Variants in BRD9 observed in about 807,000 individuals in gnomAD.
The protein encoded by BRD9 is bromodomain containing 9.
BRD9 carries 47 observed loss-of-function variants against 68.7 expected under a neutral mutation model. The observed-to-expected ratio is 0.68, with a 90% CI of 0.54 to 0.87. BRD9 has a LOEUF of 0.87. Ranked by LOEUF, BRD9 falls within the 40% of genes least tolerant of loss-of-function variation. The probability of loss-of-function intolerance (pLI) is 0.00; values close to 1 mark genes in which losing one functional copy is unlikely to be tolerated. For synonymous variants in BRD9, 313 were observed against 293.9 expected (o/e 1.06, Z -0.67); for missense variants, 670 against 748.4 (o/e 0.90, Z 1.22).
At chr5:878,311 TCAAGCTGCA>T in intron 11 of BRD9, 35 bp downstream of exon 11, 1 of 1,607,024 alleles carries the variant, frequency 6.2e-7, no homozygotes, top group South Asian at 1.1e-5. Flanking sequence ...AGGGCACAGC[TCAAGCTGCA>T]CAGCAGCCAA....
chr5:868,083 C>T (rs1202107548), intron 14 of BRD9, among the ~76,000 whole-genome samples: 1 of 152,170 alleles, frequency 6.6e-6, no homozygotes, highest in Admixed American at 6.5e-5. Flanking sequence ...TCTCTGTTCT[C>T]ATGATAGTGA....
intron 8 of BRD9, chr5:881,753 TGAG>T (rs1243008543): frequency 6.4e-6 from 1 of 156,400 alleles, no homozygotes; most frequent in Non-Finnish European, 1.4e-5. Flanking sequence ...CCACCTGGCC[TGAG>T]AAGAGCCGGA....
intron 12 of BRD9, among the ~76,000 whole-genome samples, chr5:873,407 AC>A (rs1409236422): frequency 6.6e-6 from 1 of 151,978 alleles, no homozygotes; most frequent in Non-Finnish European, 1.5e-5. Context: ...TTTTCTCTTC[AC>A]CCCAAATTTT....
intron 12 of BRD9, among the ~76,000 whole-genome samples, chr5:872,378 C>T (rs190217698): frequency 6.6e-6 from 1 of 152,346 alleles, no homozygotes; most frequent in African/African-American, 2.4e-5. Flanking sequence ...GGTCACTCAA[C>T]TCCATATCCA....
intron 14 of BRD9, chr5:869,289 TA>T (rs1280698648): frequency 4.4e-6 from 2 of 456,146 alleles, no homozygotes; most frequent in Middle Eastern, 3.3e-4. Flanking sequence ...TGACCAGCAT[TA>T]ACTTTAAAAC....
At chr5:870,327 A>C (rs923971988) in intron 14 of BRD9, 146 bp downstream of exon 14, 2 of 641,076 alleles carry the variant, frequency 3.1e-6, no homozygotes, top group African/African-American at 3.7e-5. Context: ...TGGTCCAAAA[A>C]CCTGGGACAA....
intron 8 of BRD9, chr5:881,883 C>G (rs189598344): frequency 6.6e-6 from 1 of 152,342 alleles, no homozygotes; most frequent in African/African-American, 2.4e-5. Flanking sequence ...GGAGTTGATA[C>G]GAAGATTAGG....
chr5:889,712 A>C, intron 3 of BRD9, 65 bp from the exon 4 acceptor site: 1 of 1,595,432 alleles, frequency 6.3e-7, no homozygotes, highest in Non-Finnish European at 8.6e-7. Context: ...GAGAGCTCCA[A>C]GTTCACAGTA....
chr5:883,752 G>A (rs1752145207), intron 8 of BRD9, 186 bp downstream of exon 8: 7 of 793,876 alleles, frequency 8.8e-6, no homozygotes, highest in South Asian at 3.7e-5. Context: ...CCCTGCCAGA[G>A]GCACCTGGAC....
chr5:886,518 C>T, intron 7 of BRD9, 74 bp downstream of exon 7: 3 of 1,374,844 alleles, frequency 2.2e-6, no homozygotes, highest in Non-Finnish European at 3.0e-6. Flanking sequence ...ACTCACTCTC[C>T]CCTACAAGGC....
chr5:864,368 C>A lies in BRD9; in HGVS notation c.*100G>T. ...CTCCCCGCGGCTGCTTCCCGCATGC[C>A]AAAGGGGACAGGATCAAAGTCCTTG... On this transcript the variant is annotated 3_prime_UTR_variant, in exon 16 of 16. Transcript: ENST00000467963. 9.7e-7 allele frequency: 1 copy of A among 1,034,118 alleles called. No homozygotes were observed. Among genetic ancestry groups the A allele is most frequent in the South Asian group, 1.6e-5 (1 of 61,354 alleles). 64.1% of individuals were successfully genotyped at this position (1,034,118 alleles called of 1,614,324 possible). A position where few individuals can be genotyped will look rare whatever the true frequency, so the allele number is the denominator to read the frequency against.
chr5:871,733 C>T (rs777812958), intron 12 of BRD9, among the ~76,000 whole-genome samples, 169 bp from the exon 13 acceptor site: 16 of 152,258 alleles, frequency 1.1e-4, no homozygotes, highest in Non-Finnish European at 1.8e-4. Context: ...AAACCTTCTT[C>T]ATCACCAGTC....
chr5:870,280 C>A (rs984585889), intron 14 of BRD9, 193 bp downstream of exon 14: 5 of 570,714 alleles, frequency 8.8e-6, no homozygotes, highest in African/African-American at 7.6e-5. Context: ...TTAAAAAAGA[C>A]ACAACACTCA....
At chr5:875,399 G>A (rs1487876406) in intron 12 of BRD9, among the ~76,000 whole-genome samples, 1 of 151,428 alleles carries the variant, frequency 6.6e-6, no homozygotes, top group Non-Finnish European at 1.5e-5. Flanking sequence ...CCAAGCTGGA[G>A]TGCAGTGGCA....
intron 13 of BRD9, 119 bp downstream of exon 13, chr5:871,407 A>G: frequency 2.3e-6 from 2 of 884,558 alleles, no homozygotes; most frequent in Non-Finnish European, 3.8e-6. Flanking sequence ...CTTACTGATC[A>G]GAAACGGACT....
At chr5:881,794 C>T (rs1016524583) in intron 8 of BRD9, 3 of 154,416 alleles carry the variant, frequency 1.9e-5, no homozygotes, top group South Asian at 2.0e-4. Context: ...CTCCCCACCG[C>T]GGATCCATGC....
At chr5:877,210 T>C (rs529452243) in intron 11 of BRD9, among the ~76,000 whole-genome samples, 63 of 152,200 alleles carry the variant, frequency 4.1e-4, no homozygotes, top group Non-Finnish European at 8.7e-4. Context: ...GGGAGCCGAC[T>C]GCGGACAGGA....
At position 891,680 on chromosome 5, in the gene BRD9, T is replaced by C; in HGVS notation, c.227A>G (p.Lys76Arg). The C allele has an allele frequency of 1.3e-6, 2 of 1,551,636 alleles. No homozygotes were observed. Among genetic ancestry groups the C allele is most frequent in the Non-Finnish European group, 1.7e-6 (2 of 1,147,028 alleles). Residue 76 changes from lysine to arginine, a missense_variant, in exon 2 of 16, where the codon AAG (lysine) becomes AGG (arginine). Around this residue, in one of 5 missense-constraint regions of BRD9, gnomAD observed 161 missense variants for 148.1 expected, o/e 1.09. Transcript: ENST00000467963. ...KKKKKKKKSE[K>R]EKHLDDEERR... ...TTCCTCATCGTCCAGATGCTTCTCC[T>C]TCTCGGACTTCTTCTTCTTCTTCTT...
At chr5:868,222 C>A (rs561117109) in intron 14 of BRD9, among the ~76,000 whole-genome samples, 37 of 152,320 alleles carry the variant, frequency 2.4e-4, no homozygotes, top group African/African-American at 8.7e-4. Flanking sequence ...TGATGCCTCC[C>A]AGCCATGCCT....
Sources: allele counts gnomAD v4.1 joint callset (sites outside exome capture counted in the v4.1 genomes callset), GRCh38; gene constraint gnomAD v4.1.1; regional missense constraint gnomAD v4.1.1; transcripts MANE v1.5; gene names NCBI Gene and HGNC (gene_info 2026-07-23, HGNC 2026-07-21).